Variants in YPEL2 observed in about 807,000 individuals in gnomAD.
YPEL2 encodes the protein protein yippee-like 2.
In YPEL2, 2 loss-of-function variants were observed where a neutral mutation model predicts 19.1. That is an observed-to-expected ratio of 0.10 (90% confidence interval 0.04 to 0.33). The LOEUF (loss-of-function observed/expected upper bound fraction) is 0.33, where lower values mean the gene tolerates loss of function less well. Among genes scored for constraint, YPEL2 ranks in the 10% least tolerant of loss-of-function variants. YPEL2 has a pLI of 1.00. For missense variants in YPEL2, 66 were observed against 140.7 expected, an observed-to-expected ratio of 0.47 and a Z score of 2.68; for synonymous variants, 52 against 50.0, an observed-to-expected ratio of 1.04 and a Z score of -0.17.
chr17:59,398,109 G>A lies in YPEL2; in HGVS notation c.*919G>A, dbSNP rs1023526166. On this transcript the variant is annotated 3_prime_UTR_variant, in exon 5 of 5. Coordinates refer to ENST00000312655, the MANE Select transcript of YPEL2 (RefSeq NM_001005404.4). ...CTCCTGAAGAAATGGCTCAGATATT[G>A]AGTCAGAGAAATAAAAAGTAGGATC... 12 of 152,232 alleles carry A rather than the reference G, an allele frequency of 7.9e-5. No individual in the cohort carries two copies. The highest frequency in any genetic ancestry group is 2.9e-4 in the African/African-American group (12 of 41,438). The allele number at this position is 152,232 out of a possible 1,614,324, so 9.4% of individuals were successfully genotyped here.
intron 1 of YPEL2, among the ~76,000 whole-genome samples, chr17:59,351,026 C>T (rs1033790671): frequency 6.6e-6 from 1 of 152,114 alleles, no homozygotes; most frequent in African/African-American, 2.4e-5. Context: ...CTCTAACTCA[C>T]CACCCCTTCC....
intron 4 of YPEL2, among the ~76,000 whole-genome samples, chr17:59,393,415 G>A (rs1598054836): frequency 6.6e-6 from 1 of 150,890 alleles, no homozygotes; most frequent in African/African-American, 2.4e-5. Context: ...GATTATGGGT[G>A]TGAGCCACCA....
intron 1 of YPEL2, among the ~76,000 whole-genome samples, chr17:59,344,477 A>C (rs1165975603): frequency 6.6e-6 from 1 of 152,116 alleles, no homozygotes; most frequent in Non-Finnish European, 1.5e-5. Context: ...ATTCAAAAGT[A>C]TTAGTGTTTG....
chr17:59,381,810 G>A (rs1371664728), intron 2 of YPEL2, among the ~76,000 whole-genome samples: 1 of 152,184 alleles, frequency 6.6e-6, no homozygotes, highest in African/African-American at 2.4e-5. Flanking sequence ...GAAAAGAGCC[G>A]CCTTGTTGCC....
At chr17:59,368,185 A>G (rs2047879975) in intron 2 of YPEL2, among the ~76,000 whole-genome samples, 1 of 152,050 alleles carries the variant, frequency 6.6e-6, no homozygotes, top group South Asian at 2.1e-4. Flanking sequence ...CCAGGCTCAG[A>G]TGATCTTTTC....
chr17:59,335,317 G>A (rs868804422), intron 1 of YPEL2, among the ~76,000 whole-genome samples: 92 of 151,996 alleles, frequency 6.1e-4, no homozygotes, highest in African/African-American at 2.1e-3. Flanking sequence ...TCGCCAATTT[G>A]CCAATGGCTT....
rs1378422420 is a variant in YPEL2 at position 59,388,404 on chromosome 17, G to A, written c.161+34G>A. On this transcript the variant is annotated intron_variant, in intron 3 of 4. Coordinates refer to ENST00000312655, the MANE Select transcript of YPEL2 (RefSeq NM_001005404.4). ...CTCTGAATGGTACATTCCTTGTGGG[G>A]TACAGATTCGAGGGATGGGAAAAAG... 8 of 1,608,780 alleles carry A rather than the reference G, an allele frequency of 5.0e-6. No homozygotes were observed. The South Asian group carries it at 8.8e-5, about 18-fold the overall frequency.
intron 2 of YPEL2, among the ~76,000 whole-genome samples, chr17:59,379,311 A>G (rs979181861): frequency 2.0e-5 from 3 of 152,296 alleles, no homozygotes; most frequent in East Asian, 1.9e-4. Flanking sequence ...AATGGAACCT[A>G]TAGCTTACTT....
rs997560137 is a variant in YPEL2, at chr17:59,399,427, C to G, written c.*2237C>G. 6.6e-6 allele frequency: 1 copy of G among 152,176 alleles called. No homozygotes were observed. The highest frequency in any genetic ancestry group is 1.5e-5 in the Non-Finnish European group (1 of 68,066). The allele number at this position is 152,176 out of a possible 1,614,324, so 9.4% of individuals were successfully genotyped here. A position where few individuals can be genotyped will look rare whatever the true frequency, so the allele number is the denominator to read the frequency against. On this transcript the variant is annotated 3_prime_UTR_variant, in exon 5 of 5. Coordinates refer to ENST00000312655, the MANE Select transcript of YPEL2 (RefSeq NM_001005404.4). ...ACATAAACTAGACATGGGGTGCCCT[C>G]AAGTTTCCAAGGGGACCAATGTGCC...
intron 2 of YPEL2, among the ~76,000 whole-genome samples, chr17:59,360,140 G>A (rs1417616404): frequency 6.6e-6 from 1 of 152,130 alleles, no homozygotes; most frequent in Non-Finnish European, 1.5e-5. Flanking sequence ...GCAGTGGCAC[G>A]ATCTTGGCTC....
intron 2 of YPEL2, among the ~76,000 whole-genome samples, chr17:59,378,369 A>G (rs553946985): frequency 2.7e-5 from 4 of 149,460 alleles, no homozygotes; most frequent in Non-Finnish European, 5.9e-5. Flanking sequence ...TTTTGAGACA[A>G]GTTCTCACTC....
Position 59,332,237 on chromosome 17 carries a change from C to T in YPEL2, c.-196+413C>T, listed in dbSNP as rs1000037500. On this transcript the variant is annotated intron_variant, in intron 1 of 4. Coordinates refer to ENST00000312655, the MANE Select transcript of YPEL2 (RefSeq NM_001005404.4). ...GGGGTCCGGGTGGGGCTGGGGACGC[C>T]CTCCGTCCTCTCGTGACGCCGCGTT... Among the ~76,000 whole-genome samples the T allele has an allele frequency of 9.9e-5, 15 of 152,208 alleles. 1 individual carries two copies. The highest frequency in any genetic ancestry group is 3.9e-4 in the East Asian group (2 of 5,148).
At chr17:59,342,476 C>T (rs1181662246) in intron 1 of YPEL2, among the ~76,000 whole-genome samples, 1 of 152,126 alleles carries the variant, frequency 6.6e-6, no homozygotes, top group African/African-American at 2.4e-5. Flanking sequence ...TATCTCTTAC[C>T]CTATTTTCCA....
In YPEL2 at chr17:59,384,578, A is replaced by C. The variant is rs938018292; in HGVS notation, c.118-3749A>C. 5.9e-5 allele frequency among the ~76,000 whole-genome samples: 9 copies of C among 152,356 alleles called. No individual in the cohort carries two copies. In the South Asian group the frequency reaches 1.7e-3, roughly 28 times the overall value. On this transcript the variant is annotated intron_variant, in intron 2 of 4. Coordinates refer to ENST00000312655, the MANE Select transcript of YPEL2 (RefSeq NM_001005404.4). ...GCCCCTTTCTTCCAGATACCTATAC[A>C]TACAGGACACATACCAGTCCAGGGA...
chr17:59,339,149 A>C (rs2047714696), intron 1 of YPEL2, among the ~76,000 whole-genome samples: 1 of 112,592 alleles, frequency 8.9e-6, no homozygotes, highest in Non-Finnish European at 1.7e-5. Context: ...TTCTTTTACC[A>C]CTTCGGTCTT....
At chr17:59,380,227 A>G (rs1275843988) in intron 2 of YPEL2, among the ~76,000 whole-genome samples, 1 of 150,434 alleles carries the variant, frequency 6.6e-6, no homozygotes, top group Admixed American at 6.6e-5. Flanking sequence ...AACAAAGTAT[A>G]TAGTCTTGAA....
At chr17:59,382,383 CCG>C (rs869205760) in intron 2 of YPEL2, among the ~76,000 whole-genome samples, 1 of 35,734 alleles carries the variant, frequency 2.8e-5, no homozygotes, top group Non-Finnish European at 5.4e-5. Context: ...ATCCTCCACC[CCG>C]CCTCTCTCTA....
intron 4 of YPEL2, among the ~76,000 whole-genome samples, chr17:59,391,543 G>C (rs2048007548): frequency 6.6e-6 from 1 of 151,948 alleles, no homozygotes; most frequent in African/African-American, 2.4e-5. Flanking sequence ...CCCAGGTGGA[G>C]CCTGGTAGCA....
chr17:59,369,954 G>C (rs1598041923), intron 2 of YPEL2, among the ~76,000 whole-genome samples: 1 of 152,272 alleles, frequency 6.6e-6, no homozygotes, highest in Non-Finnish European at 1.5e-5. Flanking sequence ...AATCCAAAGA[G>C]AGATGTACTA....
Sources: allele counts gnomAD v4.1 joint callset (sites outside exome capture counted in the v4.1 genomes callset), GRCh38; gene constraint gnomAD v4.1.1; transcripts MANE v1.5; gene names NCBI Gene and HGNC (gene_info 2026-07-23, HGNC 2026-07-21).